The following PARVA variants were observed in gnomAD, a reference collection of about 807,000 sequenced individuals.
PARVA encodes the protein parvin alpha, also known as alpha-parvin.
Under a neutral mutation model 52.6 loss-of-function variants are expected in PARVA, and 25 were observed. That is an observed-to-expected ratio of 0.48 (90% CI 0.35 to 0.66). PARVA has a LOEUF of 0.66. Ranked by LOEUF, PARVA falls within the 30% of genes least tolerant of loss-of-function variation. The pLI is 0.01. For missense variants in PARVA, 373 were observed against 450.9 expected, an observed-to-expected ratio of 0.83 and a Z score of 1.56; for synonymous variants, 185 against 179.1, an observed-to-expected ratio of 1.03 and a Z score of -0.26.
At chr11:12,393,241 G>A (rs1352289268) in intron 1 of PARVA, among the ~76,000 whole-genome samples, 1 of 152,078 alleles carries the variant, frequency 6.6e-6, no homozygotes, top group Admixed American at 6.6e-5. Context: ...AGGTAATGTG[G>A]TAGCTTTACA....
intron 5 of PARVA, among the ~76,000 whole-genome samples, chr11:12,499,786 G>A (rs537543350): frequency 1.3e-5 from 2 of 152,066 alleles, no homozygotes; most frequent in Admixed American, 6.5e-5. Flanking sequence ...CTGTACGTGT[G>A]TAATAAGTAG....
chr11:12,487,253 T>C (rs1941171770), intron 4 of PARVA, among the ~76,000 whole-genome samples: 1 of 152,186 alleles, frequency 6.6e-6, no homozygotes, highest in Admixed American at 6.5e-5. Context: ...TGAGAGTCAC[T>C]TTTCTATGCC....
At chr11:12,471,323 A>G (rs1413410334) in intron 1 of PARVA, among the ~76,000 whole-genome samples, 1 of 151,996 alleles carries the variant, frequency 6.6e-6, no homozygotes, top group Non-Finnish European at 1.5e-5. Context: ...GTGGACATGG[A>G]CATTAGTTGA....
chr11:12,432,842 T>C (rs1254206835), intron 1 of PARVA, among the ~76,000 whole-genome samples: 3 of 152,180 alleles, frequency 2.0e-5, no homozygotes, highest in African/African-American at 4.8e-5. Flanking sequence ...TATCATGACC[T>C]CTGAAAATCC....
At chr11:12,416,272 CA>C (rs1940065899) in intron 1 of PARVA, among the ~76,000 whole-genome samples, 1 of 152,102 alleles carries the variant, frequency 6.6e-6, no homozygotes, top group Non-Finnish European at 1.5e-5. Context: ...CTGGTTGAGG[CA>C]GCTTTTAAGA....
At chr11:12,389,981 T>C (rs1190265379) in intron 1 of PARVA, among the ~76,000 whole-genome samples, 1 of 152,196 alleles carries the variant, frequency 6.6e-6, no homozygotes, top group African/African-American at 2.4e-5. Flanking sequence ...GCAATGCTCC[T>C]CTTCTACTCT....
Position 12,532,415 on chromosome 11 carries a change from A to G in PARVA, c.*4490A>G, listed in dbSNP as rs116579458. 1.8e-3 allele frequency among the ~76,000 whole-genome samples: 268 copies of G among 152,244 alleles called. No individual in the cohort carries two copies. Among genetic ancestry groups the G allele is most frequent in the African/African-American group, 6.0e-3 (251 of 41,554 alleles). On this transcript the variant is annotated 3_prime_UTR_variant, in exon 13 of 13. Coordinates refer to ENST00000334956, the MANE Select transcript of PARVA (RefSeq NM_018222.5). ...GGAAGACGGGGTACGATGGGTCCCA[A>G]TCTTGTTTGATCACAGGATGTATCT...
chr11:12,485,486 A>G (rs11022372), intron 4 of PARVA, among the ~76,000 whole-genome samples: 53,801 of 152,034 alleles, frequency 0.35, 11,041 homozygotes, highest in East Asian at 0.57. Context: ...ATATATATAC[A>G]GGGCCACACA....
chr11:12,463,559 T>C (rs1376080217), intron 1 of PARVA, among the ~76,000 whole-genome samples: 1 of 152,236 alleles, frequency 6.6e-6, no homozygotes, highest in Non-Finnish European at 1.5e-5. Flanking sequence ...ACATGGTTTA[T>C]GACTGTGGAT....
intron 10 of PARVA, among the ~76,000 whole-genome samples, chr11:12,516,616 C>T (rs1033438854): frequency 6.6e-6 from 1 of 152,222 alleles, no homozygotes; most frequent in African/African-American, 2.4e-5. Flanking sequence ...CTGCCAGGGC[C>T]CTCAGCACAT....
intron 4 of PARVA, among the ~76,000 whole-genome samples, chr11:12,482,179 GA>G (rs953340621): frequency 2.1e-5 from 3 of 146,200 alleles, no homozygotes; most frequent in South Asian, 2.2e-4. Flanking sequence ...AAAAGAAAAA[GA>G]AAAAAAAAGG....
chr11:12,437,806 A>G (rs1337602786), intron 1 of PARVA, among the ~76,000 whole-genome samples: 1 of 152,146 alleles, frequency 6.6e-6, no homozygotes, highest in East Asian at 1.9e-4. Flanking sequence ...GAGAGAGAGT[A>G]AAAAGGAAAG....
intron 5 of PARVA, among the ~76,000 whole-genome samples, chr11:12,500,618 C>T (rs577737403): frequency 6.0e-5 from 9 of 149,874 alleles, no homozygotes; most frequent in Non-Finnish European, 1.3e-4. Context: ...GGCAAAACCC[C>T]GTCTCTACTA....
At chr11:12,453,495 G>A (rs1940651992) in intron 1 of PARVA, among the ~76,000 whole-genome samples, 2 of 152,138 alleles carry the variant, frequency 1.3e-5, no homozygotes, top group Non-Finnish European at 2.9e-5. Context: ...ATTCTGATTA[G>A]TGACGGTAAT....
chr11:12,503,520 A>G (rs911083394), intron 5 of PARVA, among the ~76,000 whole-genome samples: 1 of 152,036 alleles, frequency 6.6e-6, no homozygotes, highest in Non-Finnish European at 1.5e-5. Context: ...GAGGTGCCAC[A>G]TTGGAAATCT....
chr11:12,493,828 T>G (rs1416338742), intron 4 of PARVA, among the ~76,000 whole-genome samples: 1 of 152,220 alleles, frequency 6.6e-6, no homozygotes, highest in East Asian at 1.9e-4. Context: ...CAGTTCTCTA[T>G]GGACAGCAAC....
chr11:12,457,670 C>A (rs776214660), intron 1 of PARVA, among the ~76,000 whole-genome samples: 50 of 152,330 alleles, frequency 3.3e-4, no homozygotes, highest in Non-Finnish European at 5.7e-4. Flanking sequence ...ATCAACAGAC[C>A]ACTCATCCAT....
chr11:12,460,790 C>T (rs79695774), intron 1 of PARVA, among the ~76,000 whole-genome samples: 2,970 of 152,220 alleles, frequency 0.02, 116 homozygotes, highest in African/African-American at 0.068. Flanking sequence ...GTCAAAGAGC[C>T]ACAGAGAATG....
At chr11:12,456,416 C>T (rs781508014) in intron 1 of PARVA, among the ~76,000 whole-genome samples, 31 of 152,076 alleles carry the variant, frequency 2.0e-4, no homozygotes, top group Non-Finnish European at 3.5e-4. Context: ...CAAACTGTAT[C>T]ATCAGGGTAG....
Sources: allele counts gnomAD v4.1 joint callset (sites outside exome capture counted in the v4.1 genomes callset), GRCh38; gene constraint gnomAD v4.1.1; transcripts MANE v1.5; gene names NCBI Gene and HGNC (gene_info 2026-07-23, HGNC 2026-07-21).